TERT: variants seen among roughly 807,000 people sequenced by gnomAD.
TERT encodes telomerase catalytic subunit.
In TERT, 42 loss-of-function variants were observed where a neutral mutation model predicts 104.0. The observed-to-expected ratio is 0.40, with a 90% CI of 0.32 to 0.52. TERT has a LOEUF of 0.52. TERT is among the 20% of genes least tolerant of loss of function. The pLI is 0.43. For synonymous variants in TERT, 781 were observed against 725.6 expected (o/e 1.08, Z -1.23); for missense variants, 1,101 against 1,610.3 (o/e 0.68, Z 5.41).
Position 1,257,563 on chromosome 5 carries a change from C to A in TERT, c.3032+1035G>T, listed in dbSNP as rs1353673371. On this transcript the variant is annotated intron_variant, in intron 13 of 15. Coordinates refer to ENST00000310581, the MANE Select transcript of TERT (RefSeq NM_198253.3). The surrounding 1 kb of genome is among the most constrained non-coding windows in gnomAD (Gnocchi z 5.6). ...AGAGGAGGGCGGTCTGAGCCGGACG[C>A]ACCCTGGAACTGAGACAGCCTGGTC... is the stretch of plus-strand genomic sequence containing the variant. Among the ~76,000 whole-genome samples, 2 of 152,200 alleles carry A rather than the reference C, an allele frequency of 1.3e-5. No individual in the cohort carries two copies. Among genetic ancestry groups the A allele is most frequent in the African/African-American group, 4.8e-5 (2 of 41,444 alleles).
At chr5:1,281,826 G>A (rs1409061571) in intron 3 of TERT, among the ~76,000 whole-genome samples, 1 of 152,170 alleles carries the variant, frequency 6.6e-6, no homozygotes, top group Non-Finnish European at 1.5e-5. Context: ...CGGTGGCTTA[G>A]CCTGTAAACC....
rs930116759 is a variant in TERT at position 1,274,938 on chromosome 5, C to T, written c.2287-2658G>A. On this transcript the variant is annotated intron_variant, in intron 6 of 15. Coordinates refer to ENST00000310581, the MANE Select transcript of TERT (RefSeq NM_198253.3). This position sits in a 1 kb window ranked among gnomAD's most constrained non-coding sequence, Gnocchi z 5.3. Reference sequence around the variant, plus strand: ...AGACACCAATTACGCAGGAAACAGCCGGGAAATCAGCACACGTGAAACTCT... The same window carrying T: ...AGACACCAATTACGCAGGAAACAGCTGGGAAATCAGCACACGTGAAACTCT... 6.6e-5 allele frequency among the ~76,000 whole-genome samples: 10 copies of T among 152,128 alleles called. No individual in the cohort carries two copies. The highest frequency in any genetic ancestry group is 9.7e-5 in the African/African-American group (4 of 41,412).
intron 6 of TERT, among the ~76,000 whole-genome samples, chr5:1,277,609 G>T (rs1345111613): frequency 2.0e-5 from 3 of 149,956 alleles, no homozygotes; most frequent in African/African-American, 7.4e-5. Context: ...GGGATGTGGG[G>T]GGGGGTCTCC....
Position 1,257,857 on chromosome 5 carries a change from G to A in TERT, c.3032+741C>T, listed in dbSNP as rs1042632657. On this transcript the variant is annotated intron_variant, in intron 13 of 15. Transcript: ENST00000310581. The surrounding 1 kb of genome is among the most constrained non-coding windows in gnomAD (Gnocchi z 5.6). ...TCAGCCCTCATGGGGCGAGGGCTTCGGCCTCCTGGCATTCAGCTCCCAGTG... is the reference window on the plus strand; with the variant it reads ...TCAGCCCTCATGGGGCGAGGGCTTCAGCCTCCTGGCATTCAGCTCCCAGTG... 7.9e-5 allele frequency among the ~76,000 whole-genome samples: 12 copies of A among 152,302 alleles called. No individual in the cohort carries two copies. Among genetic ancestry groups the A allele is most frequent in the African/African-American group, 2.2e-4 (9 of 41,560 alleles).
At chr5:1,278,994 G>T (rs1678416669) in intron 5 of TERT, among the ~76,000 whole-genome samples, 198 bp from the exon 6 acceptor site, 1 of 152,238 alleles carries the variant, frequency 6.6e-6, no homozygotes. Flanking sequence ...GGGGTGCAAG[G>T]CACCGGGGCC....
At position 1,280,733 on chromosome 5, in the gene TERT, C is replaced by T. The variant is rs113472412; in HGVS notation, c.1770-395G>A. 1.3e-3 allele frequency among the ~76,000 whole-genome samples: 200 copies of T among 152,292 alleles called. 4 individuals are homozygous for T. The highest frequency in any genetic ancestry group is 4.5e-3 in the African/African-American group (188 of 41,550). ...AGCCCAAGGCTGGCCCCAGGCAGGACCCCCAGGTAGAAAGAGCCACATCCC... is the reference window on the plus strand; with the variant it reads ...AGCCCAAGGCTGGCCCCAGGCAGGATCCCCAGGTAGAAAGAGCCACATCCC... On this transcript the variant is annotated intron_variant, in intron 3 of 15. Coordinates refer to ENST00000310581, the MANE Select transcript of TERT (RefSeq NM_198253.3).
intron 12 of TERT, 85 bp downstream of exon 12, chr5:1,260,389 C>CAT (rs1300486019): frequency 6.3e-7 from 1 of 1,597,324 alleles, no homozygotes; most frequent in African/African-American, 1.3e-5. Flanking sequence ...ATCAGCCTTG[C>CAT]AGGCACGCGC....
Position 1,287,516 on chromosome 5 carries a change from T to C in TERT, c.1574-4892A>G, listed in dbSNP as rs1311108214. 6.8e-6 allele frequency among the ~76,000 whole-genome samples: 1 copy of C among 146,192 alleles called. No homozygotes were observed. Among genetic ancestry groups the C allele is most frequent in the Non-Finnish European group, 1.5e-5 (1 of 66,852 alleles). On this transcript the variant is annotated intron_variant, in intron 2 of 15. Coordinates refer to ENST00000310581, the MANE Select transcript of TERT (RefSeq NM_198253.3). The surrounding 1 kb of genome is among the most constrained non-coding windows in gnomAD (Gnocchi z 4.3). ...CTGTCTCAAAAAAAAAAAATATATA[T>C]ATATATATATAAATTAAAGGCAGAA...
Position 1,288,300 on chromosome 5 carries a change from T to C in TERT, c.1573+5013A>G, listed in dbSNP as rs1191647659. Among the ~76,000 whole-genome samples, 2 of 152,060 alleles carry C rather than the reference T, an allele frequency of 1.3e-5. No homozygotes were observed. The highest frequency in any genetic ancestry group is 4.8e-5 in the African/African-American group (2 of 41,406). On this transcript the variant is annotated intron_variant, in intron 2 of 15. Transcript: ENST00000310581. This position sits in a 1 kb window ranked among gnomAD's most constrained non-coding sequence, Gnocchi z 5.3. The stretch of plus-strand genomic sequence containing the variant: ...AAGGCAGCACTTAGAGGGAAAGGCA[T>C]GACTAAACTAAGAAGCTAGAAAAGG...
intron 2 of TERT, among the ~76,000 whole-genome samples, chr5:1,290,562 A>G (rs1750838405): frequency 1.5e-5 from 1 of 68,128 alleles, no homozygotes; most frequent in African/African-American, 9.6e-5. Flanking sequence ...ACGGTGCCTC[A>G]CTCACCCTAC....
At chr5:1,289,161 C>T (rs561047921) in intron 2 of TERT, among the ~76,000 whole-genome samples, 2 of 150,640 alleles carry the variant, frequency 1.3e-5, no homozygotes, top group South Asian at 4.2e-4. Context: ...GAGGGACACC[C>T]GGGGGCCGCA....
rs185194671 is a variant in TERT, at chr5:1,254,567, C to T, written c.3158-62G>A. On this transcript the variant is annotated intron_variant, in intron 14 of 15. Transcript: ENST00000310581. Reference sequence around the variant, plus strand: ...GCCCAGCTCCCCTCCCAGGAGACACCGGAAAGCTGCCCACACCCGACGGTC... The same window carrying T: ...GCCCAGCTCCCCTCCCAGGAGACACTGGAAAGCTGCCCACACCCGACGGTC... 1.9e-4 allele frequency: 295 copies of T among 1,551,122 alleles called. 2 individuals carry two copies. Among genetic ancestry groups the T allele is most frequent in the Middle Eastern group, 1.5e-3 (7 of 4,592 alleles).
intron 4 of TERT, 152 bp downstream of exon 4, chr5:1,280,006 A>G: frequency 9.7e-7 from 1 of 1,028,186 alleles, no homozygotes; most frequent in Non-Finnish European, 1.5e-6. Flanking sequence ...CACCTCGGCC[A>G]CCTCACTGTG....
intron 3 of TERT, 93 bp from the exon 4 acceptor site, chr5:1,280,431 A>G: frequency 2.9e-6 from 4 of 1,363,116 alleles, no homozygotes; most frequent in Non-Finnish European, 4.1e-6. Flanking sequence ...CGACTCAGTG[A>G]GGGCTCAGGG....
At position 1,263,089 on chromosome 5, in the gene TERT, C is replaced by T. The variant is rs1310224886; in HGVS notation, c.2843+1315G>A. Among the ~76,000 whole-genome samples, 2 of 152,176 alleles carry T rather than the reference C, an allele frequency of 1.3e-5. No individual in the cohort carries two copies. Among genetic ancestry groups the T allele is most frequent in the Admixed American group, 1.3e-4 (2 of 15,278 alleles). On this transcript the variant is annotated intron_variant, in intron 11 of 15. Coordinates refer to ENST00000310581, the MANE Select transcript of TERT (RefSeq NM_198253.3). The surrounding 1 kb of genome is among the most constrained non-coding windows in gnomAD (Gnocchi z 5.3). ...CACAAGGGTGTCTGCACCTGCCACT[C>T]CCCCATCATGAGGGCGTCTGCACCT...
intron 2 of TERT, among the ~76,000 whole-genome samples, chr5:1,284,974 A>G (rs59198495): frequency 7.5e-5 from 10 of 132,606 alleles, no homozygotes; most frequent in Non-Finnish European, 9.8e-5. Context: ...TCCAGACACC[A>G]CACATCCAGC....
chr5:1,253,547 G>C lies in TERT; in HGVS notation c.*181C>G. 2 of 637,056 alleles carry C rather than the reference G, an allele frequency of 3.1e-6. No homozygotes were observed. The highest frequency in any genetic ancestry group is 5.6e-6 in the Non-Finnish European group (2 of 354,558). The allele number at this position is 637,056 out of a possible 1,614,324, so 39.5% of individuals were successfully genotyped here. A position where few individuals can be genotyped will look rare whatever the true frequency, so the allele number is the denominator to read the frequency against. The stretch of plus-strand genomic sequence containing the variant: ...AGCCCTTGGCTGGACACTCGCTCAG[G>C]CCTCAGCCGGACACTCAGCCTTCAG... On this transcript the variant is annotated 3_prime_UTR_variant, in exon 16 of 16. Coordinates refer to ENST00000310581, the MANE Select transcript of TERT (RefSeq NM_198253.3).
rs1213251925 is a variant in TERT, at chr5:1,257,389, C to T, written c.3032+1209G>A. 6.6e-6 allele frequency among the ~76,000 whole-genome samples: 1 copy of T among 152,174 alleles called. No homozygotes were observed. The highest frequency in any genetic ancestry group is 6.5e-5 in the Admixed American group (1 of 15,276). ...GCCAGCTGGACCCTGGGGTCAACCA[C>T]AGTGTCAGACACCTCCAGTCCTCAG... On this transcript the variant is annotated intron_variant, in intron 13 of 15. Transcript: ENST00000310581. This position sits in a 1 kb window ranked among gnomAD's most constrained non-coding sequence, Gnocchi z 5.6.
intron 9 of TERT, among the ~76,000 whole-genome samples, chr5:1,267,467 A>C (rs1579559152): frequency 6.6e-6 from 1 of 152,232 alleles, no homozygotes; most frequent in Non-Finnish European, 1.5e-5. Flanking sequence ...CATTTGACCC[A>C]GCCATCCCAT....
Sources: allele counts gnomAD v4.1 joint callset (sites outside exome capture counted in the v4.1 genomes callset), GRCh38; gene constraint gnomAD v4.1.1; non-coding constraint Gnocchi (gnomAD v3.1); transcripts MANE v1.5; gene names NCBI Gene and HGNC (gene_info 2026-07-23, HGNC 2026-07-21).